Variants in ZNF385B observed in about 807,000 individuals in gnomAD.
The protein encoded by ZNF385B is zinc finger protein 533.
In ZNF385B, 23 loss-of-function variants were observed where a neutral mutation model predicts 39.2. The observed-to-expected ratio is 0.59, with a 90% CI of 0.42 to 0.83. ZNF385B has a LOEUF of 0.83. ZNF385B is among the 40% of genes least tolerant of loss of function. The pLI is 0.00. For synonymous variants in ZNF385B, 205 were observed against 222.6 expected, an observed-to-expected ratio of 0.92 and a Z score of 0.70; for missense variants, 552 against 598.9, an observed-to-expected ratio of 0.92 and a Z score of 0.82.
chr2:179,827,437 A>G (rs1707739412), intron 1 of ZNF385B, among the ~76,000 whole-genome samples: 1 of 152,222 alleles, frequency 6.6e-6, no homozygotes, highest in Admixed American at 6.5e-5. Flanking sequence ...AGTTGATTTC[A>G]TAACAACACA....
chr2:179,789,799 T>C (rs904756198), intron 1 of ZNF385B, among the ~76,000 whole-genome samples: 3 of 152,092 alleles, frequency 2.0e-5, no homozygotes, highest in Non-Finnish European at 4.4e-5. Context: ...TTAAAAGGAC[T>C]CGTGCCAAAC....
At chr2:179,684,299 C>A (rs548650702) in intron 3 of ZNF385B, among the ~76,000 whole-genome samples, 1 of 152,302 alleles carries the variant, frequency 6.6e-6, no homozygotes, top group South Asian at 2.1e-4. Flanking sequence ...TGGTGAACCA[C>A]AATCGGAGTG....
At chr2:179,654,884 T>C (rs1043003680) in intron 3 of ZNF385B, among the ~76,000 whole-genome samples, 2 of 152,158 alleles carry the variant, frequency 1.3e-5, no homozygotes, top group Middle Eastern at 3.2e-3. Flanking sequence ...TAACCCAACT[T>C]GCAGCCTAAT....
intron 3 of ZNF385B, among the ~76,000 whole-genome samples, chr2:179,635,101 C>T (rs1333112228): frequency 6.6e-6 from 1 of 150,926 alleles, no homozygotes; most frequent in Non-Finnish European, 1.5e-5. Flanking sequence ...GAGATTGCGC[C>T]ACTGCACTCC....
chr2:179,676,415 G>A (rs1040101347), intron 3 of ZNF385B, among the ~76,000 whole-genome samples: 3 of 151,924 alleles, frequency 2.0e-5, no homozygotes, highest in Admixed American at 2.0e-4. Context: ...TAGTAGAGAT[G>A]GGGTTTCACC....
chr2:179,705,236 G>A (rs891231009), intron 3 of ZNF385B, among the ~76,000 whole-genome samples: 1 of 151,992 alleles, frequency 6.6e-6, no homozygotes, highest in Non-Finnish European at 1.5e-5. Context: ...TCATCTCTGG[G>A]CTAGGAGTGG....
intron 3 of ZNF385B, among the ~76,000 whole-genome samples, chr2:179,694,110 T>C (rs1447585945): frequency 6.6e-6 from 1 of 152,248 alleles, no homozygotes; most frequent in African/African-American, 2.4e-5. Flanking sequence ...CTTAAATATT[T>C]AAATTTATTA....
At chr2:179,759,139 A>G (rs1170967501) in intron 3 of ZNF385B, among the ~76,000 whole-genome samples, 1 of 152,092 alleles carries the variant, frequency 6.6e-6, no homozygotes, top group African/African-American at 2.4e-5. Flanking sequence ...TTAATATTAA[A>G]TGAGAATGGA....
intron 3 of ZNF385B, among the ~76,000 whole-genome samples, chr2:179,726,638 T>A (rs1407908131): frequency 6.6e-6 from 1 of 152,042 alleles, no homozygotes; most frequent in African/African-American, 2.4e-5. Context: ...GTGCTCCTGT[T>A]CTAGGCTTTC....
chr2:179,809,085 T>C (rs1339876026), intron 1 of ZNF385B, among the ~76,000 whole-genome samples: 1 of 152,220 alleles, frequency 6.6e-6, no homozygotes, highest in African/African-American at 2.4e-5. Context: ...CTATGATTAC[T>C]GCCTCTAGAA....
rs181612339 is a variant in ZNF385B, at chr2:179,846,818, T to C, written c.-155+14283A>G. On this transcript the variant is annotated intron_variant, in intron 1 of 9. Coordinates refer to ENST00000410066, the MANE Select transcript of ZNF385B (RefSeq NM_152520.6). ...TGCTTCCAAGTGATCCTGGTGCTGCTGGTCCGTGGACTCACCTAGAGCAGC... is the reference window on the plus strand; with the variant it reads ...TGCTTCCAAGTGATCCTGGTGCTGCCGGTCCGTGGACTCACCTAGAGCAGC... Among the ~76,000 whole-genome samples the C allele has an allele frequency of 1.9e-3, 286 of 152,384 alleles. 2 individuals carry two copies. Among genetic ancestry groups the C allele is most frequent in the East Asian group, 1.7e-3 (9 of 5,194 alleles).
intron 1 of ZNF385B, among the ~76,000 whole-genome samples, chr2:179,798,070 C>T (rs1050258249): frequency 4.6e-5 from 7 of 151,902 alleles, no homozygotes; most frequent in African/African-American, 9.7e-5. Flanking sequence ...CAGGTGGCCA[C>T]GGAGGGATCT....
chr2:179,562,691 C>T (rs1684065337), intron 3 of ZNF385B: 3 of 701,364 alleles, frequency 4.3e-6, no homozygotes, highest in Non-Finnish European at 5.3e-6. Flanking sequence ...GGCTTTCTTT[C>T]ATGTAATTTT....
intron 3 of ZNF385B, among the ~76,000 whole-genome samples, chr2:179,557,537 CAT>C: frequency 8.2e-6 from 1 of 121,258 alleles, no homozygotes; most frequent in Non-Finnish European, 1.8e-5. Context: ...ATGTTATATA[CAT>C]GTATATAACA....
chr2:179,845,490 C>T (rs1266344542), intron 1 of ZNF385B, among the ~76,000 whole-genome samples: 1 of 152,128 alleles, frequency 6.6e-6, no homozygotes, highest in Admixed American at 6.5e-5. Context: ...AGAGCAAGTG[C>T]CACCAAAATT....
intron 3 of ZNF385B, among the ~76,000 whole-genome samples, chr2:179,695,478 T>C (rs775649057): frequency 3.9e-4 from 60 of 152,200 alleles, no homozygotes; most frequent in Middle Eastern, 3.4e-3. Flanking sequence ...AAAGGTATTA[T>C]ATATTTATTA....
At chr2:179,618,920 G>A (rs575028372) in intron 3 of ZNF385B, among the ~76,000 whole-genome samples, 1 of 152,172 alleles carries the variant, frequency 6.6e-6, no homozygotes, top group South Asian at 2.1e-4. Context: ...AGGTAGCACA[G>A]ACAGAAGTGT....
intron 3 of ZNF385B, among the ~76,000 whole-genome samples, chr2:179,620,019 C>T (rs991030892): frequency 2.6e-5 from 4 of 152,182 alleles, no homozygotes; most frequent in African/African-American, 9.7e-5. Context: ...CAGAGTAACT[C>T]TGTGGTTTAA....
In ZNF385B at chr2:179,777,935, G is replaced by A. The variant is rs142301040; in HGVS notation, c.-154-7263C>T. Among the ~76,000 whole-genome samples the A allele has an allele frequency of 2.2e-3, 333 of 152,026 alleles. 4 individuals are homozygous for A. Among genetic ancestry groups the A allele is most frequent in the African/African-American group, 7.7e-3 (320 of 41,462 alleles). Reference sequence around the variant, plus strand: ...TTACAGGCATGTGCCACCATGCCCGGCTAATTTTTGTATTTTTAGTAGAGA... The same window carrying A: ...TTACAGGCATGTGCCACCATGCCCGACTAATTTTTGTATTTTTAGTAGAGA... On this transcript the variant is annotated intron_variant, in intron 1 of 9. Transcript: ENST00000410066.
Sources: allele counts gnomAD v4.1 joint callset (sites outside exome capture counted in the v4.1 genomes callset), GRCh38; gene constraint gnomAD v4.1.1; transcripts MANE v1.5; gene names NCBI Gene and HGNC (gene_info 2026-07-23, HGNC 2026-07-21).